Variants in SEMA3D observed in about 807,000 individuals in gnomAD.
The protein encoded by SEMA3D is semaphorin 3D.
Under a neutral mutation model 100.1 loss-of-function variants are expected in SEMA3D, and 84 were observed. The observed-to-expected ratio is 0.84, with a 90% CI of 0.70 to 1.01. The LOEUF (loss-of-function observed/expected upper bound fraction) is 1.01. SEMA3D is among the 50% of genes least tolerant of loss of function. SEMA3D has a pLI of 0.00. For missense variants in SEMA3D, 875 were observed against 934.1 expected (o/e 0.94, Z 0.82); for synonymous variants, 312 against 320.7 (o/e 0.97, Z 0.29).
the SEMA3D span, among the ~76,000 whole-genome samples, chr7:85,204,179 ACT>A: frequency 6.6e-6 from 1 of 151,944 alleles, no homozygotes. Context: ...AAAGGAAGAG[ACT>A]CTTGCTCGAC....
chr7:85,156,639 G>T (rs575172096), intron 1 of SEMA3D, among the ~76,000 whole-genome samples: 1 of 152,146 alleles, frequency 6.6e-6, no homozygotes, highest in East Asian at 1.9e-4. Flanking sequence ...CTCCTTATGA[G>T]TTGCTTACAT....
chr7:85,018,045 T>C (rs1790152934), intron 15 of SEMA3D, among the ~76,000 whole-genome samples: 1 of 151,750 alleles, frequency 6.6e-6, no homozygotes, highest in Non-Finnish European at 1.5e-5. Context: ...AAGGGGAGAA[T>C]GCATCATTCA....
the SEMA3D span, among the ~76,000 whole-genome samples, chr7:85,223,685 G>A: frequency 6.6e-6 from 1 of 151,942 alleles, no homozygotes; most frequent in African/African-American, 2.4e-5. Context: ...AACATTGTAT[G>A]TCCTCACTTA....
chr7:85,154,400 C>T (rs939252164), intron 1 of SEMA3D, among the ~76,000 whole-genome samples: 1 of 151,918 alleles, frequency 6.6e-6, no homozygotes, highest in African/African-American at 2.4e-5. Context: ...TGGAAGGGAG[C>T]CTCAGGGAAA....
At chr7:85,040,868 G>A (rs868001286) in intron 10 of SEMA3D, 126 bp from the exon 11 acceptor site, 3 of 566,114 alleles carry the variant, frequency 5.3e-6, no homozygotes, top group Middle Eastern at 9.6e-4. Context: ...ACTATATTAT[G>A]CCTTGAGAAA....
chr7:85,142,070 T>A (rs1157042852), intron 2 of SEMA3D: 1 of 984,392 alleles, frequency 1.0e-6, no homozygotes, highest in Non-Finnish European at 1.2e-6. Context: ...CAAGTTTCTG[T>A]GAACTATACA....
In SEMA3D at chr7:85,037,016, G is replaced by C. The variant is rs1418984104; in HGVS notation, c.1064C>G (p.Ser355Cys). The C allele has an allele frequency of 1.2e-6, 2 of 1,611,818 alleles. No homozygotes were observed. The highest frequency in any genetic ancestry group is 1.7e-6 in the Non-Finnish European group (2 of 1,179,270). ...FTTTSSIFKG[S>C]AVCVYSMADI... ...AGCCATGCTATACACACAAACAGCA[G>C]AGCCTTTGAAGATGGAGCTGGAAAA... Residue 355 changes from serine to cysteine, a missense_variant, in exon 12 of 19, where the codon TCT becomes TGT. Transcript: ENST00000284136.
At chr7:85,121,278 T>G in intron 3 of SEMA3D, among the ~76,000 whole-genome samples, 1 of 152,184 alleles carries the variant, frequency 6.6e-6, no homozygotes, top group East Asian at 1.9e-4. Context: ...GTTTCATCTT[T>G]TTTATATTTA....
chr7:85,018,108 C>G, intron 15 of SEMA3D, 144 bp downstream of exon 15: 1 of 662,514 alleles, frequency 1.5e-6, no homozygotes, highest in South Asian at 1.7e-5. Context: ...ACAATGGTCT[C>G]TAATGAATTA....
At chr7:85,214,108 G>C in the SEMA3D span, among the ~76,000 whole-genome samples, 1 of 152,026 alleles carries the variant, frequency 6.6e-6, no homozygotes, top group East Asian at 1.9e-4. Context: ...ATTGTGGTTT[G>C]GGTAGGTACC....
intron 3 of SEMA3D, among the ~76,000 whole-genome samples, chr7:85,110,168 A>G (rs575522492): frequency 9.9e-5 from 15 of 152,040 alleles, no homozygotes; most frequent in African/African-American, 2.9e-4. Context: ...GCAATAGTGC[A>G]TCATATATTA....
At chr7:85,133,850 T>C (rs1400891566) in intron 2 of SEMA3D, among the ~76,000 whole-genome samples, 3 of 152,006 alleles carry the variant, frequency 2.0e-5, no homozygotes, top group Non-Finnish European at 4.4e-5. Context: ...CTCTGGCACA[T>C]AGCTAGCTCT....
chr7:85,072,328 A>T (rs149916817), intron 6 of SEMA3D, among the ~76,000 whole-genome samples: 5 of 152,352 alleles, frequency 3.3e-5, no homozygotes, highest in Non-Finnish European at 5.9e-5. Context: ...CAATGACTAT[A>T]CACTTTTAAG....
At chr7:85,195,204 C>T in the SEMA3D span, among the ~76,000 whole-genome samples, 1 of 152,050 alleles carries the variant, frequency 6.6e-6, no homozygotes, top group African/African-American at 2.4e-5. Flanking sequence ...TTAAAAATCC[C>T]CCTTATTCTG....
At chr7:85,201,027 G>T in the SEMA3D span, among the ~76,000 whole-genome samples, 1 of 151,814 alleles carries the variant, frequency 6.6e-6, no homozygotes, top group South Asian at 2.1e-4. Flanking sequence ...AGGTAATTTT[G>T]TAAGAGAAGT....
At chr7:85,094,820 T>C (rs1410589815) in intron 4 of SEMA3D, among the ~76,000 whole-genome samples, 2 of 151,892 alleles carry the variant, frequency 1.3e-5, no homozygotes, top group South Asian at 2.1e-4. Context: ...CGGACCAACT[T>C]TGGAATCGTT....
At chr7:85,023,412 A>G (rs1790309215) in intron 12 of SEMA3D, among the ~76,000 whole-genome samples, 2 of 151,786 alleles carry the variant, frequency 1.3e-5, no homozygotes, top group African/African-American at 4.8e-5. Flanking sequence ...TCCTAAATCT[A>G]TTTTATGTTT....
chr7:85,195,988 T>C, the SEMA3D span, among the ~76,000 whole-genome samples: 68 of 152,182 alleles, frequency 4.5e-4, no homozygotes, highest in African/African-American at 1.6e-3. Context: ...TAATCAGGAA[T>C]TGCTGAGATA....
At chr7:85,163,713 C>T (rs1790810324) in intron 1 of SEMA3D, among the ~76,000 whole-genome samples, 4 of 152,036 alleles carry the variant, frequency 2.6e-5, no homozygotes, top group Admixed American at 2.0e-4. Flanking sequence ...TTCAGAAATC[C>T]AGCTTTAATC....
Sources: gnomAD v4.1 joint callset for allele counts (sites outside exome capture counted in the v4.1 genomes callset) on GRCh38, gnomAD v4.1.1 for gene constraint, MANE v1.5 for transcripts, NCBI Gene and HGNC (gene_info 2026-07-23, HGNC 2026-07-21) for gene names.